TMEM255A: variants seen among roughly 807,000 people sequenced by gnomAD.
TMEM255A encodes family with sequence similarity 70, member A.
Under a neutral mutation model 23.5 loss-of-function variants are expected in TMEM255A, and 14 were observed. That is an observed-to-expected ratio of 0.60 (90% CI 0.39 to 0.93). The LOEUF (loss-of-function observed/expected upper bound fraction) is 0.93, where lower values mean the gene tolerates loss of function less well. TMEM255A is among the 40% of genes least tolerant of loss of function. TMEM255A has a pLI of 0.00. For synonymous variants in TMEM255A, 104 were observed against 100.3 expected (o/e 1.04, Z -0.22); for missense variants, 233 against 261.7 (o/e 0.89, Z 0.76).
chrX:120,271,308 A>G (rs954611655), intron 7 of TMEM255A, among the ~76,000 whole-genome samples: 2 of 112,244 alleles, frequency 1.8e-5, no homozygotes, highest in Non-Finnish European at 3.8e-5. Context: ...GGCATTTGGC[A>G]AATCTGGGCT....
intron 7 of TMEM255A, among the ~76,000 whole-genome samples, chrX:120,269,715 C>G (rs782756161): frequency 1.1e-3 from 124 of 111,753 alleles, no homozygotes; most frequent in African/African-American, 3.7e-3. Flanking sequence ...TGAAAGAGGG[C>G]TGAGATCTTG....
At chrX:120,270,879 C>T (rs189762575) in intron 7 of TMEM255A, among the ~76,000 whole-genome samples, 1 of 111,380 alleles carries the variant, frequency 9.0e-6, no homozygotes, top group East Asian at 2.8e-4. Context: ...TGGATGTAGG[C>T]CAAGGATTGT....
chrX:120,255,349 T>C (rs782436598), downstream of TMEM255A: 8 of 1,211,515 alleles, frequency 6.6e-6, no homozygotes, highest in South Asian at 1.4e-4. Context: ...GATATTTTTA[T>C]TCAGCAGGAA....
At chrX:120,286,117 G>T in intron 5 of TMEM255A, 6 of 266,949 alleles carry the variant, frequency 2.2e-5, no homozygotes, top group Non-Finnish European at 3.9e-5. Flanking sequence ...GTAAATTTAT[G>T]GTTGTTAAAA....
chrX:120,271,247 C>G (rs2057758653), intron 7 of TMEM255A, among the ~76,000 whole-genome samples: 1 of 111,699 alleles, frequency 9.0e-6, no homozygotes. Flanking sequence ...AAAGGGCTAC[C>G]CAAATGTTAG....
chrX:120,293,401 C>T (rs781982359), intron 3 of TMEM255A, among the ~76,000 whole-genome samples: 3 of 113,262 alleles, frequency 2.6e-5, no homozygotes, highest in African/African-American at 9.6e-5. Context: ...TATGCTTGTC[C>T]TTCCTTTCAA....
chrX:120,263,533 G>A (rs964873925), intron 8 of TMEM255A, among the ~76,000 whole-genome samples: 2 of 111,400 alleles, frequency 1.8e-5, no homozygotes, highest in East Asian at 2.8e-4. Context: ...GCGCATTTCC[G>A]TCAGGGCATG....
chrX:120,305,429 C>CAAA (rs111534543), intron 1 of TMEM255A, among the ~76,000 whole-genome samples: 422 of 89,424 alleles, frequency 4.7e-3, no homozygotes, highest in Non-Finnish European at 7.7e-3. Context: ...TAGGAGTTCT[C>CAAA]AAAAAAAAAA....
At chrX:120,302,640 G>A (rs782726142) in intron 2 of TMEM255A, among the ~76,000 whole-genome samples, 58 of 111,072 alleles carry the variant, frequency 5.2e-4, no homozygotes, top group African/African-American at 1.8e-3. Context: ...AACAGTGTCT[G>A]TGGGTCACCT....
downstream of TMEM255A, chrX:120,255,539 A>T (rs2057632841): frequency 4.4e-6 from 3 of 687,865 alleles, no homozygotes; most frequent in Middle Eastern, 5.1e-4. Flanking sequence ...GATCTGCCAC[A>T]TTATCTGAAG....
chrX:120,253,984 A>C, downstream of TMEM255A: 6 of 1,207,792 alleles, frequency 5.0e-6, no homozygotes, highest in Non-Finnish European at 6.7e-6. Flanking sequence ...GATTCTGATG[A>C]TGATGATGAT....
At chrX:120,296,915 AT>A (rs1173009580) in intron 2 of TMEM255A, among the ~76,000 whole-genome samples, 65 of 2,216 alleles carry the variant, frequency 0.029, 3 homozygotes, top group South Asian at 0.061. Flanking sequence ...TTATATATAT[AT>A]TATATATAAT....
intron 8 of TMEM255A, among the ~76,000 whole-genome samples, chrX:120,263,999 G>GA (rs1230687494): frequency 1.8e-5 from 2 of 111,466 alleles, no homozygotes; most frequent in Non-Finnish European, 3.8e-5. Context: ...AAATAAAGAG[G>GA]AAAAATAGAG....
chrX:120,304,657 T>C (rs782058026), intron 1 of TMEM255A, among the ~76,000 whole-genome samples, 166 bp from the exon 2 acceptor site: 1 of 111,812 alleles, frequency 8.9e-6, no homozygotes, highest in Non-Finnish European at 1.9e-5. Context: ...AGCATTATTT[T>C]TTGTAGTCAT....
intron 2 of TMEM255A, among the ~76,000 whole-genome samples, chrX:120,294,739 CT>C (rs1428563874): frequency 9.0e-6 from 1 of 111,660 alleles, no homozygotes; most frequent in Non-Finnish European, 1.9e-5. Flanking sequence ...TGAAAAAGAC[CT>C]TCCACTTTGA....
intron 8 of TMEM255A, 41 bp from the exon 9 acceptor site, chrX:120,261,069 T>C (rs1556016614): frequency 8.5e-7 from 1 of 1,173,407 alleles, no homozygotes; most frequent in Admixed American, 2.8e-5. Context: ...GCAGTGAGTT[T>C]GCAATTCCCT....
Position 120,275,784 on chromosome X carries a change from A to ATTTTTTT in TMEM255A, c.675+1094_675+1100dup, listed in dbSNP as rs11342181. ...GAATCTTTAGAGAAGGAGCCCAAGC[A>ATTTTTTT]TTTTTTTTTTTTTTTTTTTTTTTTT... On this transcript the variant is annotated intron_variant, in intron 7 of 8. Transcript: ENST00000371369. 1.3e-4 allele frequency among the ~76,000 whole-genome samples: 8 copies of ATTTTTTT among 60,250 alleles called. 1 individual carries two copies. In the South Asian group the frequency reaches 6.1e-3, roughly 46 times the overall value. The allele number at this position is 60,250 out of a possible 115,157, so 52.3% of individuals were successfully genotyped here.
chrX:120,290,382 T>C (rs1051527488), intron 4 of TMEM255A, among the ~76,000 whole-genome samples: 1 of 111,686 alleles, frequency 9.0e-6, no homozygotes, highest in African/African-American at 3.3e-5. Flanking sequence ...CCTATATATA[T>C]CACAGGATTA....
chrX:120,296,566 G>A (rs930101021), intron 2 of TMEM255A, among the ~76,000 whole-genome samples: 6 of 88,445 alleles, frequency 6.8e-5, no homozygotes, highest in African/African-American at 2.6e-4. Flanking sequence ...AAGGACCACA[G>A]ACCAGGTAAA....
Sources: allele counts gnomAD v4.1 joint callset (sites outside exome capture counted in the v4.1 genomes callset), GRCh38; gene constraint gnomAD v4.1.1; transcripts MANE v1.5; gene names NCBI Gene and HGNC (gene_info 2026-07-23, HGNC 2026-07-21).